Variants in PTPRM observed in about 807,000 individuals in gnomAD.
PTPRM encodes the protein receptor-type tyrosine-protein phosphatase mu.
Under a neutral mutation model 186.7 loss-of-function variants are expected in PTPRM, and 47 were observed. The ratio of observed to expected loss-of-function variants is 0.25; its 90% confidence interval spans 0.20 to 0.32. The LOEUF (loss-of-function observed/expected upper bound fraction) is 0.32, where lower values mean the gene tolerates loss of function less well. PTPRM is among the 10% of genes least tolerant of loss of function. PTPRM has a pLI of 1.00. For missense variants in PTPRM, 1,494 were observed against 1,865.0 expected (o/e 0.80, Z 3.66); for synonymous variants, 668 against 674.9 (o/e 0.99, Z 0.16).
rs189625315 is a variant in PTPRM at position 8,396,187 on chromosome 18, A to G, written c.4344+1576A>G. On this transcript the variant is annotated intron_variant, in intron 32 of 32. Transcript: ENST00000580170. ...TTCCCAGTGTTCCAGGATGGAGGCA[A>G]TTGAGCAAAGAGTGGCCATGCTGTC... Among the ~76,000 whole-genome samples the G allele has an allele frequency of 2.6e-3, 396 of 152,346 alleles. 1 individual carries two copies. The highest frequency in any genetic ancestry group is 9.2e-3 in the African/African-American group (382 of 41,582).
intron 13 of PTPRM, among the ~76,000 whole-genome samples, chr18:8,135,231 T>A (rs961047560): frequency 2.0e-5 from 3 of 152,226 alleles, no homozygotes; most frequent in African/African-American, 7.2e-5. Context: ...TGCCTCTTCA[T>A]TGTATAAAAG....
intron 14 of PTPRM, among the ~76,000 whole-genome samples, chr18:8,148,562 C>T (rs1437540656): frequency 6.6e-6 from 1 of 151,890 alleles, no homozygotes; most frequent in African/African-American, 2.4e-5. Flanking sequence ...TAGTCTGGCT[C>T]GTGGTCTAGC....
At position 7,863,588 on chromosome 18, in the gene PTPRM, C is replaced by A. The variant is rs1031593281; in HGVS notation, c.197-24518C>A. Among the ~76,000 whole-genome samples the A allele has an allele frequency of 2.6e-5, 4 of 152,108 alleles. No individual in the cohort carries two copies. The South Asian group carries it at 8.3e-4, about 32-fold the overall frequency. On this transcript the variant is annotated intron_variant, in intron 2 of 32. Coordinates refer to ENST00000580170, the MANE Select transcript of PTPRM (RefSeq NM_001105244.2). ...TGCATATGTGTCACATTTTCTTTATCCTGTCTATCACTGATGGGCATTTGG... is the reference window on the plus strand; with the variant it reads ...TGCATATGTGTCACATTTTCTTTATACTGTCTATCACTGATGGGCATTTGG...
At chr18:7,676,661 G>GTA (rs1555650378) in intron 1 of PTPRM, among the ~76,000 whole-genome samples, 23 of 119,576 alleles carry the variant, frequency 1.9e-4, no homozygotes, top group Admixed American at 1.2e-3. Flanking sequence ...GTGTGTGTGT[G>GTA]TATGTGTGTG....
chr18:8,038,867 A>G (rs1052618960), intron 7 of PTPRM, among the ~76,000 whole-genome samples: 8 of 152,206 alleles, frequency 5.3e-5, no homozygotes, highest in Non-Finnish European at 1.2e-4. Flanking sequence ...GTACGCACAT[A>G]GCCAGAATTG....
At chr18:7,696,575 G>GT (rs1353683828) in intron 1 of PTPRM, among the ~76,000 whole-genome samples, 1 of 152,194 alleles carries the variant, frequency 6.6e-6, no homozygotes, top group Non-Finnish European at 1.5e-5. Flanking sequence ...TGCATTCTGA[G>GT]TATCAGTACA....
chr18:7,907,648 G>T (rs922168050), intron 4 of PTPRM, among the ~76,000 whole-genome samples: 2 of 152,144 alleles, frequency 1.3e-5, no homozygotes, highest in Non-Finnish European at 2.9e-5. Flanking sequence ...CTGGCAATTG[G>T]TGTCACTAGG....
chr18:7,906,302 A>C (rs916168420), intron 3 of PTPRM, among the ~76,000 whole-genome samples: 2 of 152,092 alleles, frequency 1.3e-5, no homozygotes, highest in Non-Finnish European at 2.9e-5. Context: ...CGCATTCACT[A>C]CCTATTGACC....
intron 13 of PTPRM, among the ~76,000 whole-genome samples, chr18:8,115,182 C>G (rs962675335): frequency 6.6e-6 from 1 of 152,034 alleles, no homozygotes; most frequent in Non-Finnish European, 1.5e-5. Flanking sequence ...TCTAGTGAAT[C>G]TTCATATGCA....
intron 7 of PTPRM, among the ~76,000 whole-genome samples, chr18:7,995,254 T>C (rs1407017854): frequency 6.6e-6 from 1 of 152,054 alleles, no homozygotes. Flanking sequence ...TGCAGACCAA[T>C]AATTAGCAAT....
At chr18:8,112,356 G>A (rs1219773038) in intron 11 of PTPRM, among the ~76,000 whole-genome samples, 1 of 152,238 alleles carries the variant, frequency 6.6e-6, no homozygotes, top group Non-Finnish European at 1.5e-5. Context: ...ACATAGACGA[G>A]AGTGTAGAGA....
At chr18:7,784,254 T>C (rs1426948591) in intron 2 of PTPRM, among the ~76,000 whole-genome samples, 4 of 152,136 alleles carry the variant, frequency 2.6e-5, no homozygotes, top group African/African-American at 9.7e-5. Flanking sequence ...AGAAGTTCCT[T>C]CCCACTGTGA....
intron 20 of PTPRM, among the ~76,000 whole-genome samples, chr18:8,309,972 T>G (rs80116303): frequency 0.012 from 1,841 of 152,280 alleles, 29 homozygotes; most frequent in African/African-American, 0.041. Flanking sequence ...ATATCTCTAT[T>G]CAGATGGTAA....
intron 11 of PTPRM, among the ~76,000 whole-genome samples, chr18:8,093,173 G>GT (rs1416913990): frequency 1.3e-5 from 2 of 151,448 alleles, no homozygotes; most frequent in Non-Finnish European, 2.9e-5. Context: ...CTCACTGTCC[G>GT]TAAGTCCAAG....
chr18:8,127,948 A>G (rs989434132), intron 13 of PTPRM, among the ~76,000 whole-genome samples: 6 of 152,316 alleles, frequency 3.9e-5, no homozygotes, highest in African/African-American at 1.2e-4. Context: ...CTCCACTTCC[A>G]TAAGCTTACC....
chr18:7,977,492 A>G (rs2147388619), intron 7 of PTPRM, among the ~76,000 whole-genome samples: 1 of 152,188 alleles, frequency 6.6e-6, no homozygotes, highest in Non-Finnish European at 1.5e-5. Context: ...TGGTCCAGGG[A>G]ACAGCCTTGG....
At chr18:7,655,418 G>T (rs2038825039) in intron 1 of PTPRM, among the ~76,000 whole-genome samples, 2 of 152,172 alleles carry the variant, frequency 1.3e-5, no homozygotes, top group African/African-American at 4.8e-5. Context: ...TGCTGGCAAG[G>T]ATGTGGAACA....
At chr18:7,986,421 G>T (rs1290803766) in intron 7 of PTPRM, among the ~76,000 whole-genome samples, 1 of 152,206 alleles carries the variant, frequency 6.6e-6, no homozygotes, top group Non-Finnish European at 1.5e-5. Flanking sequence ...ATTCAAATCT[G>T]TGATTGCCAG....
At chr18:7,683,077 A>G (rs879221317) in intron 1 of PTPRM, among the ~76,000 whole-genome samples, 1 of 152,080 alleles carries the variant, frequency 6.6e-6, no homozygotes, top group African/African-American at 2.4e-5. Flanking sequence ...TGAGTAATCA[A>G]TGAGGAAGAA....
Sources: gnomAD v4.1 joint callset for allele counts (sites outside exome capture counted in the v4.1 genomes callset) on GRCh38, gnomAD v4.1.1 for gene constraint, MANE v1.5 for transcripts, NCBI Gene and HGNC (gene_info 2026-07-23, HGNC 2026-07-21) for gene names.